MYO16: variants seen among roughly 807,000 people sequenced by gnomAD.
MYO16 encodes the protein unconventional myosin-XVI.
In MYO16, 94 loss-of-function variants were observed where a neutral mutation model predicts 205.3. That is an observed-to-expected ratio of 0.46 (90% CI 0.39 to 0.54). MYO16 has a LOEUF of 0.54. Ranked by LOEUF, MYO16 falls within the 20% of genes least tolerant of loss-of-function variation. The pLI is 0.00. For missense variants in MYO16, 2,315 were observed against 2,387.5 expected, an observed-to-expected ratio of 0.97 and a Z score of 0.63; for synonymous variants, 988 against 954.0, an observed-to-expected ratio of 1.04 and a Z score of -0.66.
intron 32 of MYO16, among the ~76,000 whole-genome samples, chr13:109,151,893 A>T (rs995368104): frequency 6.6e-6 from 1 of 152,174 alleles, no homozygotes; most frequent in Non-Finnish European, 1.5e-5. Context: ...CCGTTTGGTG[A>T]CGTTACATTC....
intron 4 of MYO16, among the ~76,000 whole-genome samples, chr13:108,754,142 CTGTAGCATGCAGGACAAGT>C (rs1340547960): frequency 3.3e-5 from 5 of 152,182 alleles, no homozygotes; most frequent in Middle Eastern, 3.4e-3. Context: ...GCAGGACAAG[CTGTAGCATGCAGGACAAGT>C]TGTAGCATGC....
At chr13:109,059,415 C>A (rs1168395279) in intron 27 of MYO16, among the ~76,000 whole-genome samples, 1 of 152,146 alleles carries the variant, frequency 6.6e-6, no homozygotes, top group African/African-American at 2.4e-5. Flanking sequence ...TTTTGGGTGA[C>A]CAGGTGCATT....
intron 19 of MYO16, among the ~76,000 whole-genome samples, chr13:108,963,134 T>C (rs2139370436): frequency 6.6e-6 from 1 of 152,370 alleles, no homozygotes; most frequent in East Asian, 1.9e-4. Flanking sequence ...AGAGTGGTTT[T>C]CCCACATGAT....
upstream of MYO16, among the ~76,000 whole-genome samples, chr13:108,625,877 C>G (rs761156411): frequency 1.3e-5 from 2 of 152,138 alleles, no homozygotes; most frequent in Non-Finnish European, 2.9e-5. Context: ...AATGCAGGCA[C>G]TATTAGATTA....
chr13:108,602,883 A>G (rs1428146663), intron 1 of MYO16, among the ~76,000 whole-genome samples: 1 of 152,172 alleles, frequency 6.6e-6, no homozygotes, highest in Non-Finnish European at 1.5e-5. Context: ...AACACTTGCT[A>G]TGAAGTAGTG....
intron 10 of MYO16, among the ~76,000 whole-genome samples, chr13:108,846,218 A>G (rs1566366007): frequency 6.6e-6 from 1 of 152,164 alleles, no homozygotes; most frequent in African/African-American, 2.4e-5. Context: ...TTATGCCCAT[A>G]AATTTAGTAA....
chr13:108,744,951 T>TCA (rs1343247596), intron 4 of MYO16, among the ~76,000 whole-genome samples: 1 of 152,208 alleles, frequency 6.6e-6, no homozygotes, highest in Non-Finnish European at 1.5e-5. Flanking sequence ...AAATGCTTAC[T>TCA]TAATATTAAC....
At chr13:109,044,780 C>T (rs1039214557) in intron 23 of MYO16, among the ~76,000 whole-genome samples, 1 of 152,124 alleles carries the variant, frequency 6.6e-6, no homozygotes, top group Non-Finnish European at 1.5e-5. Flanking sequence ...GCTTCCGCCT[C>T]CCAGGTTCAA....
chr13:108,883,248 T>A, intron 13 of MYO16, 62 bp downstream of exon 13: 4 of 1,566,434 alleles, frequency 2.6e-6, no homozygotes, highest in Non-Finnish European at 2.6e-6. Context: ...GCAGTAAAGA[T>A]GTACTCATTT....
At chr13:108,531,187 G>C in the MYO16 span, among the ~76,000 whole-genome samples, 2 of 152,206 alleles carry the variant, frequency 1.3e-5, no homozygotes, top group East Asian at 3.8e-4. Context: ...GGCAAAGTTA[G>C]TCCGAGGTCA....
chr13:108,676,370 C>CACGTGT (rs1245845490), intron 2 of MYO16, among the ~76,000 whole-genome samples: 2 of 27,262 alleles, frequency 7.3e-5, no homozygotes, highest in African/African-American at 1.7e-4. Context: ...ATTATATGTA[C>CACGTGT]GCGTGTGTGT....
At chr13:108,575,669 T>A in the MYO16 span, among the ~76,000 whole-genome samples, 17 of 152,132 alleles carry the variant, frequency 1.1e-4, no homozygotes, top group Admixed American at 6.5e-4. Context: ...GTTTTACCAG[T>A]TATTGGTATT....
chr13:108,866,521 T>C lies in MYO16; in HGVS notation c.1425+279T>C, dbSNP rs1878725343. Among the ~76,000 whole-genome samples, 6 of 152,344 alleles carry C rather than the reference T, an allele frequency of 3.9e-5. No homozygotes were observed. In the South Asian group the frequency reaches 1.2e-3, roughly 32 times the overall value. On this transcript the variant is annotated intron_variant, in intron 12 of 34. Transcript: ENST00000457511. ...AAATTAAATAATATGTAAGTATATT[T>C]TCCATACATTTTTCACTAACTCAAG... is the stretch of plus-strand genomic sequence containing the variant.
At chr13:108,647,931 A>C (rs1045941868) in intron 1 of MYO16, among the ~76,000 whole-genome samples, 2 of 152,228 alleles carry the variant, frequency 1.3e-5, no homozygotes, top group Non-Finnish European at 2.9e-5. Flanking sequence ...TGAATGAATG[A>C]ATGAGTTCCT....
At chr13:109,037,665 G>GAC (rs1886757980) in intron 23 of MYO16, among the ~76,000 whole-genome samples, 2 of 151,698 alleles carry the variant, frequency 1.3e-5, no homozygotes, top group Admixed American at 6.6e-5. Context: ...GCCACCGAGA[G>GAC]ACACACAGAG....
intron 32 of MYO16, among the ~76,000 whole-genome samples, chr13:109,142,207 GCA>G (rs760360134): frequency 5.9e-5 from 9 of 152,176 alleles, no homozygotes; most frequent in Non-Finnish European, 1.0e-4. Context: ...CACTGCTTTT[GCA>G]CAGATTCCTT....
At chr13:108,925,960 C>T (rs1397677564) in intron 16 of MYO16, among the ~76,000 whole-genome samples, 1 of 152,224 alleles carries the variant, frequency 6.6e-6, no homozygotes, top group Non-Finnish European at 1.5e-5. Flanking sequence ...CATCCTCCTC[C>T]CCTGGGCCCT....
chr13:108,614,003 A>G (rs1181343370), intron 1 of MYO16, among the ~76,000 whole-genome samples: 2 of 152,124 alleles, frequency 1.3e-5, no homozygotes, highest in Non-Finnish European at 2.9e-5. Flanking sequence ...ACAAAATGAA[A>G]TAAAAGTAAT....
intron 9 of MYO16, among the ~76,000 whole-genome samples, chr13:108,829,045 T>G (rs192650271): frequency 1.6e-3 from 248 of 152,304 alleles, no homozygotes; most frequent in Non-Finnish European, 2.9e-3. Flanking sequence ...ATCTCAGAAT[T>G]TGTAGCTCGT....
Sources: allele counts gnomAD v4.1 joint callset (sites outside exome capture counted in the v4.1 genomes callset), GRCh38; gene constraint gnomAD v4.1.1; transcripts MANE v1.5; gene names NCBI Gene and HGNC (gene_info 2026-07-23, HGNC 2026-07-21).